The following PTPRN2 variants were observed in gnomAD, a reference collection of about 807,000 sequenced individuals.
The protein encoded by PTPRN2 is receptor-type tyrosine-protein phosphatase N2.
In PTPRN2, 74 loss-of-function variants were observed where a neutral mutation model predicts 118.8. The ratio of observed to expected loss-of-function variants is 0.62; its 90% CI spans 0.52 to 0.76. The LOEUF is 0.76. PTPRN2 is among the 30% of genes least tolerant of loss of function. The probability of loss-of-function intolerance (pLI) is 0.00; values close to 1 mark genes in which losing one functional copy is unlikely to be tolerated. For synonymous variants in PTPRN2, 641 were observed against 608.0 expected (o/e 1.05, Z -0.80); for missense variants, 1,481 against 1,394.4 (o/e 1.06, Z -0.99).
At chr7:157,581,102 C>T (rs929535789) in intron 17 of PTPRN2, among the ~76,000 whole-genome samples, 2 of 150,642 alleles carry the variant, frequency 1.3e-5, no homozygotes, top group African/African-American at 2.4e-5. Context: ...CACTCCAGCA[C>T]CTGCACACCC....
At chr7:158,429,355 C>A (rs1476350730) in intron 2 of PTPRN2, among the ~76,000 whole-genome samples, 3 of 152,354 alleles carry the variant, frequency 2.0e-5, no homozygotes, top group Admixed American at 2.0e-4. Context: ...CCACGCTGGT[C>A]CTTAGCAGCT....
At chr7:158,539,950 G>A (rs73510537) in intron 1 of PTPRN2, 13 of 243,112 alleles carry the variant, frequency 5.3e-5, no homozygotes, top group African/African-American at 1.9e-4. Flanking sequence ...GGCTGGAACC[G>A]GACGGTGCAC....
intron 1 of PTPRN2, among the ~76,000 whole-genome samples, chr7:158,538,592 G>C (rs1399616776): frequency 1.3e-5 from 2 of 152,170 alleles, no homozygotes; most frequent in Non-Finnish European, 2.9e-5. Flanking sequence ...GGGACCTGCA[G>C]AGACGCATCC....
intron 1 of PTPRN2, among the ~76,000 whole-genome samples, chr7:158,496,368 C>T: frequency 1.4e-5 from 1 of 73,568 alleles, no homozygotes; most frequent in Non-Finnish European, 2.8e-5. Flanking sequence ...GCCCCTTCCC[C>T]ACGCCCCTTC....
At chr7:158,253,605 T>C (rs1039704069) in intron 3 of PTPRN2, among the ~76,000 whole-genome samples, 1 of 152,058 alleles carries the variant, frequency 6.6e-6, no homozygotes, top group Non-Finnish European at 1.5e-5. Context: ...TCCCCTCCCC[T>C]CGGCGGTGGT....
intron 13 of PTPRN2, among the ~76,000 whole-genome samples, chr7:157,658,664 A>T (rs1194346489): frequency 6.6e-6 from 1 of 152,172 alleles, no homozygotes; most frequent in Admixed American, 6.5e-5. Flanking sequence ...CGTCTGACCA[A>T]CAATCTCGTT....
intron 12 of PTPRN2, among the ~76,000 whole-genome samples, chr7:157,757,110 A>T (rs1040722315): frequency 6.6e-6 from 1 of 152,096 alleles, no homozygotes; most frequent in South Asian, 2.1e-4. Context: ...GTTTTTTTTT[A>T]AAACCTCCCC....
intron 12 of PTPRN2, among the ~76,000 whole-genome samples, chr7:157,836,611 GAC>G (rs57654943): frequency 1.4e-4 from 21 of 150,364 alleles, no homozygotes; most frequent in African/African-American, 2.7e-4. Flanking sequence ...GCAAAATAAA[GAC>G]ACACACACAC....
At chr7:157,777,619 G>T (rs1406032991) in intron 12 of PTPRN2, among the ~76,000 whole-genome samples, 1 of 152,262 alleles carries the variant, frequency 6.6e-6, no homozygotes, top group African/African-American at 2.4e-5. Flanking sequence ...TCAGGGACAT[G>T]CATGCTCCTC....
chr7:158,156,446 A>T (rs979082210), intron 6 of PTPRN2, among the ~76,000 whole-genome samples: 1 of 152,192 alleles, frequency 6.6e-6, no homozygotes, highest in Non-Finnish European at 1.5e-5. Flanking sequence ...AGACCAGAAG[A>T]GAAAATGTTT....
chr7:158,359,324 A>G (rs896772), intron 2 of PTPRN2, among the ~76,000 whole-genome samples: 146,842 of 152,368 alleles, frequency 0.96, 70,816 homozygotes, highest in African/African-American at 0.99. Context: ...GCTTTAAATA[A>G]TGGATGTTTT....
intron 2 of PTPRN2, among the ~76,000 whole-genome samples, chr7:158,457,683 G>A (rs570731475): frequency 9.8e-6 from 1 of 102,140 alleles, no homozygotes; most frequent in East Asian, 2.7e-4. Context: ...GGCGAGCCTG[G>A]CCTGGGGGGA....
chr7:157,606,000 G>C (rs553739120), intron 15 of PTPRN2, among the ~76,000 whole-genome samples: 49 of 152,342 alleles, frequency 3.2e-4, no homozygotes, highest in Non-Finnish European at 6.0e-4. Flanking sequence ...ATGGCACCCA[G>C]GCTGTTTGTG....
At chr7:158,274,776 C>A (rs901322118) in intron 3 of PTPRN2, among the ~76,000 whole-genome samples, 6 of 152,212 alleles carry the variant, frequency 3.9e-5, no homozygotes, top group Non-Finnish European at 7.3e-5. Flanking sequence ...TGGCCACACA[C>A]AGGGAGCCTG....
In PTPRN2 at chr7:157,568,882, C is replaced by T. The variant is rs770391264; in HGVS notation, c.2902+20G>A. On this transcript the variant is annotated intron_variant, in intron 21 of 22. Transcript: ENST00000389418. ...ATCCCAGCTCTGAGCCGCAACAAAG[C>T]GGCAGTGTCTGTGTCTCACCTTTGG... 1.1e-4 allele frequency: 171 copies of T among 1,537,426 alleles called. No individual in the cohort carries two copies. Among genetic ancestry groups the T allele is most frequent in the Non-Finnish European group, 1.5e-4 (164 of 1,110,670 alleles).
At chr7:158,461,252 T>C (rs1208320883) in intron 2 of PTPRN2, among the ~76,000 whole-genome samples, 1 of 152,096 alleles carries the variant, frequency 6.6e-6, no homozygotes, top group Non-Finnish European at 1.5e-5. Flanking sequence ...TCCCAGCACT[T>C]TGGGAGGCCG....
At chr7:158,540,522 GA>G (rs1372112138) in intron 1 of PTPRN2, among the ~76,000 whole-genome samples, 13 of 152,114 alleles carry the variant, frequency 8.5e-5, no homozygotes, top group African/African-American at 2.9e-4. Context: ...TCCATGGGAG[GA>G]AAGCACATGG....
chr7:158,541,555 T>A (rs1379590340), intron 1 of PTPRN2: 1 of 1,352,086 alleles, frequency 7.4e-7, no homozygotes, highest in Non-Finnish European at 9.8e-7. Context: ...ATCTTCATAG[T>A]AGGAAAGCTG....
chr7:158,044,853 C>A (rs1808726834), intron 11 of PTPRN2, among the ~76,000 whole-genome samples: 1 of 152,168 alleles, frequency 6.6e-6, no homozygotes, highest in African/African-American at 2.4e-5. Context: ...GCTGCAGGAG[C>A]AACATTTAAT....
Sources: allele counts gnomAD v4.1 joint callset (sites outside exome capture counted in the v4.1 genomes callset), GRCh38; gene constraint gnomAD v4.1.1; transcripts MANE v1.5; gene names NCBI Gene and HGNC (gene_info 2026-07-23, HGNC 2026-07-21).